SGCD: variants seen among roughly 807,000 people sequenced by gnomAD.
SGCD encodes the protein sarcoglycan delta.
SGCD carries 18 observed loss-of-function variants against 36.6 expected under a neutral mutation model. The ratio of observed to expected loss-of-function variants is 0.49; its 90% CI spans 0.34 to 0.73. SGCD has a LOEUF of 0.73. SGCD is among the 30% of genes least tolerant of loss of function. SGCD has a pLI of 0.01. For synonymous variants in SGCD, 133 were observed against 130.6 expected, an observed-to-expected ratio of 1.02 and a Z score of -0.12; for missense variants, 387 against 346.7, an observed-to-expected ratio of 1.12 and a Z score of -0.92.
intron 3 of SGCD, among the ~76,000 whole-genome samples, chr5:156,463,745 A>T (rs552192648): frequency 6.6e-6 from 1 of 152,170 alleles, no homozygotes; most frequent in African/African-American, 2.4e-5. Context: ...TAGTAATCCC[A>T]ACACTTTGGG....
intron 3 of SGCD, among the ~76,000 whole-genome samples, chr5:156,504,326 T>G (rs992792148): frequency 1.1e-4 from 16 of 150,926 alleles, no homozygotes; most frequent in Middle Eastern, 3.5e-3. Flanking sequence ...CCCTAGAATT[T>G]TTCTCCAATA....
At chr5:155,753,334 T>TCAAAAAAAAAA in the SGCD span, among the ~76,000 whole-genome samples, 6 of 135,834 alleles carry the variant, frequency 4.4e-5, 1 homozygote, top group African/African-American at 2.1e-4. Context: ...AGACTTTGTC[T>TCAAAAAAAAAA]AAAAAAAAAA....
At chr5:156,728,925 C>T (rs932496097) in intron 7 of SGCD, among the ~76,000 whole-genome samples, 6 of 152,122 alleles carry the variant, frequency 3.9e-5, no homozygotes, top group South Asian at 2.1e-4. Flanking sequence ...GATAATAATC[C>T]TCTATCTTTG....
At chr5:156,077,232 C>A (rs1760809578) in intron 1 of SGCD, among the ~76,000 whole-genome samples, 2 of 152,168 alleles carry the variant, frequency 1.3e-5, no homozygotes, top group African/African-American at 4.8e-5. Flanking sequence ...GTGGCAAACT[C>A]TTTCCTATCC....
intron 4 of SGCD, among the ~76,000 whole-genome samples, chr5:156,548,401 C>A (rs1474645422): frequency 6.6e-6 from 1 of 152,090 alleles, no homozygotes; most frequent in Admixed American, 6.6e-5. Flanking sequence ...AGTAAAAGTA[C>A]CAAATTGAAT....
At chr5:155,839,623 TC>T in the SGCD span, among the ~76,000 whole-genome samples, 20 of 152,212 alleles carry the variant, frequency 1.3e-4, no homozygotes, top group Non-Finnish European at 2.4e-4. Flanking sequence ...TATCTCCTTC[TC>T]CCCCATTGAA....
intron 6 of SGCD, among the ~76,000 whole-genome samples, chr5:156,634,041 A>G (rs868172795): frequency 4.6e-5 from 7 of 152,140 alleles, no homozygotes; most frequent in South Asian, 4.1e-4. Context: ...CCAGATCTCT[A>G]AATTTTTCTA....
intron 4 of SGCD, among the ~76,000 whole-genome samples, chr5:156,539,533 C>T (rs925711956): frequency 6.6e-6 from 1 of 152,026 alleles, no homozygotes; most frequent in African/African-American, 2.4e-5. Flanking sequence ...TCCTAAATTA[C>T]TTCACTTAGA....
chr5:156,383,918 T>C lies in SGCD; in HGVS notation c.192+39241T>C, dbSNP rs931907047. Among the ~76,000 whole-genome samples, 5 of 152,218 alleles carry C rather than the reference T, an allele frequency of 3.3e-5. No individual in the cohort carries two copies. The East Asian group carries it at 9.6e-4, about 29-fold the overall frequency. ...ATGAAATGCCAGAATCATTTGAATATGGCAAGAGACTCTGTGATAAAGATA... is the reference window on the plus strand; with the variant it reads ...ATGAAATGCCAGAATCATTTGAATACGGCAAGAGACTCTGTGATAAAGATA... On this transcript the variant is annotated intron_variant, in intron 3 of 8. Coordinates refer to ENST00000337851, the MANE Select transcript of SGCD (RefSeq NM_000337.6).
the SGCD span, among the ~76,000 whole-genome samples, chr5:155,810,776 A>G: frequency 3.6e-5 from 4 of 112,600 alleles, no homozygotes; most frequent in East Asian, 1.2e-3. Flanking sequence ...GTTTTCTCTG[A>G]GTAATCCTTT....
intron 4 of SGCD, among the ~76,000 whole-genome samples, chr5:156,546,986 C>A (rs1035297298): frequency 1.3e-5 from 2 of 152,148 alleles, no homozygotes; most frequent in Admixed American, 1.3e-4. Flanking sequence ...TGAACTGTTA[C>A]AATTCTTTTA....
chr5:156,019,534 T>G (rs1332199743), intron 1 of SGCD, among the ~76,000 whole-genome samples: 2 of 152,200 alleles, frequency 1.3e-5, no homozygotes, highest in Non-Finnish European at 2.9e-5. Context: ...TGAATAAAGA[T>G]CAGTAATTTT....
At chr5:155,770,978 G>T in the SGCD span, among the ~76,000 whole-genome samples, 2 of 152,020 alleles carry the variant, frequency 1.3e-5, no homozygotes, top group African/African-American at 4.8e-5. Context: ...CCACTGAGAG[G>T]TTTTAATTTT....
At chr5:155,963,597 C>T (rs1255617101) in intron 1 of SGCD, among the ~76,000 whole-genome samples, 4 of 152,034 alleles carry the variant, frequency 2.6e-5, no homozygotes, top group African/African-American at 7.2e-5. Context: ...TCCTCACAAC[C>T]ACCCTATAAA....
the SGCD span, among the ~76,000 whole-genome samples, chr5:155,743,298 T>C: frequency 6.6e-6 from 1 of 152,186 alleles, no homozygotes; most frequent in Non-Finnish European, 1.5e-5. Context: ...GATGCTCCTA[T>C]CACCGGGAAG....
chr5:155,736,577 A>G, the SGCD span, among the ~76,000 whole-genome samples: 1 of 152,148 alleles, frequency 6.6e-6, no homozygotes, highest in South Asian at 2.1e-4. Context: ...CCTTTATTGA[A>G]ATGCAAAATT....
chr5:156,114,177 T>C (rs1373224188), intron 1 of SGCD, among the ~76,000 whole-genome samples: 1 of 152,074 alleles, frequency 6.6e-6, no homozygotes, highest in Non-Finnish European at 1.5e-5. Context: ...GTCAGTGTAA[T>C]GGTTCATCAA....
At chr5:156,604,726 A>ATGTATGTATATATACATATATACACATTT (rs1761346462) in intron 6 of SGCD, among the ~76,000 whole-genome samples, 1 of 110,084 alleles carries the variant, frequency 9.1e-6, no homozygotes, top group Non-Finnish European at 1.8e-5. Flanking sequence ...TATGCACATT[A>ATGTATGTATATATACATATATACACATTT]TATATGTATA....
intron 1 of SGCD, among the ~76,000 whole-genome samples, chr5:156,031,903 G>C (rs575215765): frequency 6.6e-6 from 1 of 152,262 alleles, no homozygotes; most frequent in Non-Finnish European, 1.5e-5. Context: ...AGAGCTAGGT[G>C]CTTATTAGGT....
Sources: gnomAD v4.1 joint callset for allele counts (sites outside exome capture counted in the v4.1 genomes callset) on GRCh38, gnomAD v4.1.1 for gene constraint, MANE v1.5 for transcripts, NCBI Gene and HGNC (gene_info 2026-07-23, HGNC 2026-07-21) for gene names.